Variants in SCTR observed in about 807,000 individuals in gnomAD.
The protein encoded by SCTR is pancreatic secretin receptor.
Under a neutral mutation model 60.8 loss-of-function variants are expected in SCTR, and 56 were observed. The observed-to-expected ratio is 0.92, with a 90% CI of 0.74 to 1.15. The LOEUF is 1.15. SCTR is among the 50% of genes most tolerant of loss of function. SCTR has a pLI of 0.00. For synonymous variants in SCTR, 202 were observed against 217.0 expected (o/e 0.93, Z 0.61); for missense variants, 562 against 550.4 (o/e 1.02, Z -0.21).
chr2:119,478,796 G>T lies in SCTR; in HGVS notation c.301+15C>A. The stretch of plus-strand genomic sequence containing the variant: ...CCTCAGCCTGTCCGCCAGGCCCCAT[G>T]GGCCGAGTGGTTACCATTTCTGCTG... On this transcript the variant is annotated intron_variant, in intron 3 of 12. Transcript: ENST00000019103. 1 of 1,613,706 alleles carries T rather than the reference G, an allele frequency of 6.2e-7. No individual in the cohort carries two copies. Among genetic ancestry groups the T allele is most frequent in the Non-Finnish European group, 8.5e-7 (1 of 1,179,736 alleles).
chr2:119,523,392 C>CTAATAT (rs1553470453), intron 1 of SCTR, among the ~76,000 whole-genome samples: 2 of 134,268 alleles, frequency 1.5e-5, no homozygotes, highest in Non-Finnish European at 3.2e-5. Flanking sequence ...CATCCTGCCG[C>CTAATAT]TATTATTATT....
intron 4 of SCTR, among the ~76,000 whole-genome samples, chr2:119,469,990 C>T (rs1676935471): frequency 6.6e-6 from 1 of 152,216 alleles, no homozygotes; most frequent in African/African-American, 2.4e-5. Flanking sequence ...ATATTTTGGG[C>T]TCTGAGTGCC....
In SCTR at chr2:119,522,814, C is replaced by T. The variant is rs1381805851; in HGVS notation, c.72+1341G>A. The stretch of plus-strand genomic sequence containing the variant: ...GCTCTACCTGGCTTTGCACTGTCCC[C>T]AGTATCCCAGTTGGCATTTCTCCAA... On this transcript the variant is annotated intron_variant, in intron 1 of 12. Coordinates refer to ENST00000019103, the MANE Select transcript of SCTR (RefSeq NM_002980.3). 3.9e-5 allele frequency among the ~76,000 whole-genome samples: 6 copies of T among 152,268 alleles called. No individual in the cohort carries two copies. In the East Asian group the frequency reaches 9.7e-4, roughly 25 times the overall value.
intron 1 of SCTR, among the ~76,000 whole-genome samples, chr2:119,499,122 A>G (rs767180132): frequency 6.6e-6 from 1 of 152,058 alleles, no homozygotes; most frequent in Non-Finnish European, 1.5e-5. Flanking sequence ...ATAACCAGAA[A>G]CAGAAAGACA....
chr2:119,479,334 T>C, intron 2 of SCTR: 1 of 971,882 alleles, frequency 1.0e-6, no homozygotes, highest in African/African-American at 1.7e-5. Flanking sequence ...GCTTTAGAAA[T>C]AGACCTAGCC....
chr2:119,453,227 C>A, intron 8 of SCTR, 60 bp downstream of exon 8: 1 of 1,294,632 alleles, frequency 7.7e-7, no homozygotes, highest in South Asian at 1.2e-5. Context: ...AGTAACTATG[C>A]TGTTTGAAAA....
chr2:119,473,592 GC>G, intron 3 of SCTR, 36 bp from the exon 4 acceptor site: 1 of 1,234,128 alleles, frequency 8.1e-7, no homozygotes, highest in Non-Finnish European at 1.2e-6. Context: ...TGAGCCATGG[GC>G]CCAGGCACTG....
At chr2:119,518,342 C>T (rs1679176838) in intron 1 of SCTR, among the ~76,000 whole-genome samples, 1 of 144,676 alleles carries the variant, frequency 6.9e-6, no homozygotes, top group African/African-American at 2.9e-5. Flanking sequence ...GTGAGCCCAT[C>T]TGTTGAACAT....
Position 119,444,292 on chromosome 2 carries a change from CAT to C in SCTR, c.1140+2465_1140+2466del, listed in dbSNP as rs1491273561. Reference sequence around the variant, plus strand: ...ACATATATACATATGAATATATACACATATATACGTATGAATATATACACATA... The same window carrying C: ...ACATATATACATATGAATATATACACATATACGTATGAATATATACACATA... On this transcript the variant is annotated intron_variant, in intron 11 of 12. Coordinates refer to ENST00000019103, the MANE Select transcript of SCTR (RefSeq NM_002980.3). Among the ~76,000 whole-genome samples the C allele has an allele frequency of 2.3e-4, 32 of 140,698 alleles. 4 individuals carry two copies. The highest frequency in any genetic ancestry group is 6.2e-4 in the African/African-American group (23 of 37,052). 92.3% of individuals were successfully genotyped at this position (140,698 alleles called of 152,430 possible).
At chr2:119,469,355 G>A (rs1320146326) in intron 4 of SCTR, among the ~76,000 whole-genome samples, 1 of 152,156 alleles carries the variant, frequency 6.6e-6, no homozygotes. Context: ...CGTGGCTGTG[G>A]CCATTGCTTG....
At chr2:119,450,264 T>C (rs1683111806) in intron 9 of SCTR, among the ~76,000 whole-genome samples, 2 of 152,172 alleles carry the variant, frequency 1.3e-5, no homozygotes, top group South Asian at 4.2e-4. Context: ...TAGGGAGATA[T>C]TTTGCATCAG....
chr2:119,518,462 C>A (rs1346851496), intron 1 of SCTR, among the ~76,000 whole-genome samples: 1 of 150,800 alleles, frequency 6.6e-6, no homozygotes, highest in Non-Finnish European at 1.5e-5. Context: ...CTGGAGATGA[C>A]TCTGGGAACC....
intron 2 of SCTR, among the ~76,000 whole-genome samples, chr2:119,487,774 A>G (rs1677936367): frequency 6.6e-6 from 1 of 152,174 alleles, no homozygotes; most frequent in African/African-American, 2.4e-5. Flanking sequence ...TTTATTTGTG[A>G]TAAGTGTGGC....
Position 119,452,001 on chromosome 2 carries a change from G to A in SCTR, c.921+9C>T. 2 of 1,566,246 alleles carry A rather than the reference G, an allele frequency of 1.3e-6. No individual in the cohort carries two copies. Among genetic ancestry groups the A allele is most frequent in the Non-Finnish European group, 8.8e-7 (1 of 1,139,060 alleles). On this transcript the variant is annotated intron_variant, in intron 9 of 12. Transcript: ENST00000019103. Reference sequence around the variant, plus strand: ...CTGATCCCCAGCTAGGGAGAGGAGGGCCACTCACCAGGATGGAGAGGATCA... The same window carrying A: ...CTGATCCCCAGCTAGGGAGAGGAGGACCACTCACCAGGATGGAGAGGATCA...
chr2:119,521,348 A>G (rs1679280881), intron 1 of SCTR, among the ~76,000 whole-genome samples: 1 of 152,196 alleles, frequency 6.6e-6, no homozygotes, highest in Non-Finnish European at 1.5e-5. Flanking sequence ...CCATGCATTC[A>G]TTCAACAAAC....
At chr2:119,500,323 A>G (rs1356156756) in intron 1 of SCTR, among the ~76,000 whole-genome samples, 1 of 152,252 alleles carries the variant, frequency 6.6e-6, no homozygotes, top group African/African-American at 2.4e-5. Flanking sequence ...AGGTTTCTCA[A>G]AAAACTAAAA....
chr2:119,482,746 C>T (rs912128489), intron 2 of SCTR, among the ~76,000 whole-genome samples: 4 of 152,136 alleles, frequency 2.6e-5, no homozygotes, highest in Admixed American at 6.5e-5. Context: ...CCTGGGCCTA[C>T]CCAGATGCCT....
intron 1 of SCTR, among the ~76,000 whole-genome samples, chr2:119,521,102 G>A (rs1679273908): frequency 6.6e-6 from 1 of 152,204 alleles, no homozygotes; most frequent in South Asian, 2.1e-4. Context: ...GGCTCCAAAT[G>A]TCAGTAGTGT....
chr2:119,512,199 T>C (rs1402361552), intron 1 of SCTR, among the ~76,000 whole-genome samples: 1 of 152,200 alleles, frequency 6.6e-6, no homozygotes, highest in African/African-American at 2.4e-5. Flanking sequence ...GCTGTCTCTC[T>C]GGAATTCCCA....
Sources: gnomAD v4.1 joint callset for allele counts (sites outside exome capture counted in the v4.1 genomes callset) on GRCh38, gnomAD v4.1.1 for gene constraint, MANE v1.5 for transcripts, NCBI Gene and HGNC (gene_info 2026-07-23, HGNC 2026-07-21) for gene names.